The following PPIG variants were observed in gnomAD, a reference collection of about 807,000 sequenced individuals.
The protein encoded by PPIG is peptidylprolyl isomerase G, also known as peptidyl-prolyl cis-trans isomerase G.
A neutral mutation model predicts 87.9 loss-of-function variants in PPIG; 26 were observed. That is an observed-to-expected ratio of 0.30 (90% CI 0.22 to 0.41). The LOEUF (loss-of-function observed/expected upper bound fraction) is 0.41. PPIG is among the 10% of genes least tolerant of loss of function. The pLI is 1.00. For missense variants in PPIG, 722 were observed against 879.4 expected (o/e 0.82, Z 2.26); for synonymous variants, 308 against 276.5 (o/e 1.11, Z -1.13).
At chr2:169,622,478 G>T (rs998284283) in intron 9 of PPIG, among the ~76,000 whole-genome samples, 6 of 152,196 alleles carry the variant, frequency 3.9e-5, no homozygotes, top group Non-Finnish European at 7.3e-5. Flanking sequence ...TGCCATTGGG[G>T]CCAGGAAGTT....
intron 1 of PPIG, among the ~76,000 whole-genome samples, chr2:169,600,904 A>G (rs1259430999): frequency 1.3e-5 from 2 of 151,076 alleles, no homozygotes; most frequent in African/African-American, 4.9e-5. Flanking sequence ...AAACTAATAC[A>G]TGAACATATT....
chr2:169,604,126 T>C (rs749176654), intron 3 of PPIG, 24 bp downstream of exon 3: 1 of 1,608,510 alleles, frequency 6.2e-7, no homozygotes, highest in South Asian at 1.1e-5. Context: ...TTGACATTTA[T>C]AAATGGGTGT....
intron 1 of PPIG, among the ~76,000 whole-genome samples, chr2:169,593,356 G>A (rs1684920987): frequency 1.3e-5 from 2 of 151,790 alleles, no homozygotes; most frequent in Non-Finnish European, 1.5e-5. Flanking sequence ...CACCATGCCC[G>A]GCTATTTTTT....
intron 1 of PPIG, among the ~76,000 whole-genome samples, chr2:169,589,285 A>G (rs947346371): frequency 6.6e-6 from 1 of 152,186 alleles, no homozygotes; most frequent in Non-Finnish European, 1.5e-5. Flanking sequence ...AGTGGAAGGG[A>G]CACTACATGA....
intron 7 of PPIG, among the ~76,000 whole-genome samples, chr2:169,610,046 C>T (rs1685444503): frequency 6.6e-6 from 1 of 152,170 alleles, no homozygotes; most frequent in Admixed American, 6.5e-5. Flanking sequence ...GTCAGTAATG[C>T]CTGTTTTTAA....
In PPIG at chr2:169,606,073, A is replaced by T; in HGVS notation, c.171A>T (p.Pro57=). 1.2e-6 allele frequency: 2 copies of T among 1,613,218 alleles called. No individual in the cohort carries two copies. Among genetic ancestry groups the T allele is most frequent in the South Asian group, 2.2e-5 (2 of 91,068 alleles). Residue 57 remains proline, a synonymous_variant, in exon 5 of 14, where the codon CCA becomes CCT. Coordinates refer to ENST00000260970, the MANE Select transcript of PPIG (RefSeq NM_004792.3). ...GGACCGGGAAATCAACTCAGAAACC[A>T]TTACATTATAAGAGTTGTCTCTTTC... ...EKGTGKSTQK[P]LHYKSCLFHR... is the part of the protein sequence containing the mutation.
intron 1 of PPIG, among the ~76,000 whole-genome samples, chr2:169,587,602 T>C (rs958352280): frequency 6.6e-6 from 1 of 152,204 alleles, no homozygotes; most frequent in Admixed American, 6.5e-5. Flanking sequence ...TCGGTGATTT[T>C]CCCTGGTTTA....
intron 1 of PPIG, among the ~76,000 whole-genome samples, chr2:169,595,500 G>A (rs1209324698): frequency 6.6e-6 from 1 of 152,070 alleles, no homozygotes; most frequent in African/African-American, 2.4e-5. Flanking sequence ...CAAACACTAG[G>A]TTTTATTGAT....
Position 169,614,610 on chromosome 2 carries a change from A to G in PPIG, c.433A>G (p.Ile145Val). 6.2e-7 allele frequency: 1 copy of G among 1,608,802 alleles called. No homozygotes were observed. Among genetic ancestry groups the G allele is most frequent in the Middle Eastern group, 1.8e-4 (1 of 5,688 alleles). Reference sequence around the variant, plus strand: ...GCATCATGTTGTTTTTGGACAAGTAATCTCTGGTCAAGAAGTTGTAAGAGA... The same window carrying G: ...GCATCATGTTGTTTTTGGACAAGTAGTCTCTGGTCAAGAAGTTGTAAGAGA... The part of the protein sequence containing the change: ...DGHHVVFGQV[I>V]SGQEVVREIE... The change falls in exon 9 of 14, where the codon ATC becomes GTC. Residue 145 changes from isoleucine to valine, a missense_variant. Physicochemically the swap from Ile to Val is conservative, Grantham distance 29. Transcript: ENST00000260970.
At chr2:169,632,331 T>G (rs1171230871) in intron 11 of PPIG, among the ~76,000 whole-genome samples, 2 of 152,248 alleles carry the variant, frequency 1.3e-5, no homozygotes, top group Admixed American at 6.5e-5. Context: ...TTTCCTTACT[T>G]GGTTTACAAC....
intron 9 of PPIG, among the ~76,000 whole-genome samples, chr2:169,623,753 A>T (rs1427317425): frequency 1.3e-5 from 2 of 152,228 alleles, no homozygotes; most frequent in African/African-American, 4.8e-5. Flanking sequence ...TAGGAGATGC[A>T]ACCCATAATG....
intron 4 of PPIG, 66 bp downstream of exon 4, chr2:169,604,327 GTTTTTTTTTTTTT>G (rs71006008): frequency 5.2e-5 from 18 of 347,436 alleles, no homozygotes; most frequent in South Asian, 5.7e-5. Flanking sequence ...TGCTTGCTTG[GTTTTTTTTTTTTT>G]TTTTTTTTTT....
At chr2:169,592,989 A>T (rs555875771) in intron 1 of PPIG, among the ~76,000 whole-genome samples, 6 of 152,104 alleles carry the variant, frequency 3.9e-5, no homozygotes, top group African/African-American at 1.4e-4. Flanking sequence ...TCTTTCTTGC[A>T]TTTGAGGCAT....
In PPIG at chr2:169,639,813, T is replaced by C. The variant is rs1328493875; in HGVS notation, c.*2290T>C. ...AATGGTCCTTTCCTTTTGTTACATT[T>C]AGTAGTTGTGCCATCTTTAGTTTTT... On this transcript the variant is annotated 3_prime_UTR_variant, in exon 14 of 14. Transcript: ENST00000260970. 6.6e-6 allele frequency: 1 copy of C among 152,146 alleles called. No individual in the cohort carries two copies. The highest frequency in any genetic ancestry group is 2.4e-5 in the African/African-American group (1 of 41,438). The allele number at this position is 152,146 out of a possible 1,614,324, so 9.4% of individuals were successfully genotyped here.
Position 169,636,190 on chromosome 2 carries a change from G to T in PPIG, c.1116G>T (p.Met372Ile). 1 of 1,612,160 alleles carries T rather than the reference G, an allele frequency of 6.2e-7. No homozygotes were observed. The highest frequency in any genetic ancestry group is 8.5e-7 in the Non-Finnish European group (1 of 1,179,460). The change falls in exon 13 of 14, where the codon ATG (methionine) becomes ATT (isoleucine). Residue 372 changes from methionine to isoleucine, a missense_variant. By Grantham distance (10) the Met-to-Ile change is conservative. Around this residue, in one of 4 missense-constraint regions of PPIG, gnomAD observed 476 missense variants for 483.1 expected, o/e 0.99. Transcript: ENST00000260970. ...WRQEMQRAQR[M>I]RVSSGERWIK... ...AAGAGATGCAGAGAGCTCAAAGAATGAGGGTATCAAGTGGTGAAAGATGGA... is the reference window on the plus strand; with the variant it reads ...AAGAGATGCAGAGAGCTCAAAGAATTAGGGTATCAAGTGGTGAAAGATGGA...
intron 5 of PPIG, 34 bp from the exon 6 acceptor site, chr2:169,607,070 C>T (rs772580371): frequency 1.4e-6 from 2 of 1,420,406 alleles, no homozygotes; most frequent in Non-Finnish European, 2.0e-6. Context: ...GAGGAGCTTA[C>T]TGAGAGTTAT....
chr2:169,597,781 G>A (rs1255869276), intron 1 of PPIG, among the ~76,000 whole-genome samples: 1 of 152,138 alleles, frequency 6.6e-6, no homozygotes. Context: ...TTACAAGCAT[G>A]AGCCACCACG....
chr2:169,603,819 C>G (rs1005097750), intron 2 of PPIG, 125 bp downstream of exon 2: 1 of 560,268 alleles, frequency 1.8e-6, no homozygotes, highest in African/African-American at 1.9e-5. Flanking sequence ...GCTTAACTTT[C>G]AAGTCTTTTC....
At chr2:169,606,591 C>CAAAAAAAAAAAAAAAAAAAAAAAAAAAA (rs71006009) in intron 5 of PPIG, among the ~76,000 whole-genome samples, 11 of 85,018 alleles carry the variant, frequency 1.3e-4, no homozygotes, top group East Asian at 4.0e-4. Flanking sequence ...GACTCTGTCT[C>CAAAAAAAAAAAAAAAAAAAAAAAAAAAA]AAAAAAAAAA....
Sources: allele counts gnomAD v4.1 joint callset (sites outside exome capture counted in the v4.1 genomes callset), GRCh38; gene constraint gnomAD v4.1.1; regional missense constraint gnomAD v4.1.1; transcripts MANE v1.5; gene names NCBI Gene and HGNC (gene_info 2026-07-23, HGNC 2026-07-21).